The following MYOT variants were observed in gnomAD, a reference collection of about 807,000 sequenced individuals.
MYOT encodes 57 kDa cytoskeletal protein.
Under a neutral mutation model 58.0 loss-of-function variants are expected in MYOT, and 36 were observed. That is an observed-to-expected ratio of 0.62 (90% CI 0.48 to 0.82). The LOEUF is 0.82. Ranked by LOEUF, MYOT falls within the 40% of genes least tolerant of loss-of-function variation. The pLI is 0.00. For synonymous variants in MYOT, 218 were observed against 204.6 expected (o/e 1.07, Z -0.56); for missense variants, 505 against 592.1 (o/e 0.85, Z 1.53).
chr5:137,873,728 AAC>A (rs1270955063), intron 2 of MYOT, among the ~76,000 whole-genome samples: 8 of 152,186 alleles, frequency 5.3e-5, no homozygotes, highest in African/African-American at 1.9e-4. Flanking sequence ...TTATATAGAC[AAC>A]CATAAAGATC....
intron 5 of MYOT, among the ~76,000 whole-genome samples, chr5:137,881,414 C>T (rs1755425479): frequency 6.6e-6 from 1 of 152,194 alleles, no homozygotes; most frequent in African/African-American, 2.4e-5. Context: ...CCTGTAATCC[C>T]AGTACTTTGG....
rs1410500557 is a variant in MYOT at position 137,883,292 on chromosome 5, T to C, written c.817-92T>C. The C allele has an allele frequency of 3.7e-6, 4 of 1,074,508 alleles. No individual in the cohort carries two copies. In the African/African-American group the frequency reaches 6.2e-5, roughly 17 times the overall value. 66.6% of individuals were successfully genotyped at this position (1,074,508 alleles called of 1,614,324 possible). A position where few individuals can be genotyped will look rare whatever the true frequency, so the allele number is the denominator to read the frequency against. Reference sequence around the variant, plus strand: ...CATTTCAATCGCAAACCCACTCAGATACGGGAACTGTTTAAATTCATATAT... The same window carrying C: ...CATTTCAATCGCAAACCCACTCAGACACGGGAACTGTTTAAATTCATATAT... On this transcript the variant is annotated intron_variant, in intron 6 of 9. Coordinates refer to ENST00000239926, the MANE Select transcript of MYOT (RefSeq NM_006790.3).
intron 1 of MYOT, among the ~76,000 whole-genome samples, chr5:137,868,810 A>C (rs892103395): frequency 2.0e-5 from 3 of 152,130 alleles, no homozygotes; most frequent in Non-Finnish European, 4.4e-5. Context: ...CTTGAAATAG[A>C]CTTTTTTTTT....
At position 137,883,574 on chromosome 5, in the gene MYOT, T is replaced by C; in HGVS notation, c.1007T>C (p.Val336Ala). ...AGAGCAGGAGAAGCCACCTTCACTG[T>C]GCAGCTGGATGTCCTTGGTAAGCCT... ...KNRAGEATFT[V>A]QLDVLAKEHK... is the part of the protein sequence containing the mutation. Residue 336 changes from valine to alanine, a missense_variant, in exon 7 of 10, where the codon GTG (valine) becomes GCG (alanine). Val to Ala is a moderately conservative substitution (Grantham distance 64, BLOSUM62 0). Coordinates refer to ENST00000239926, the MANE Select transcript of MYOT (RefSeq NM_006790.3). 1 of 1,614,136 alleles carries C rather than the reference T, an allele frequency of 6.2e-7. No individual in the cohort carries two copies. The highest frequency in any genetic ancestry group is 8.5e-7 in the Non-Finnish European group (1 of 1,179,980).
At position 137,887,392 on chromosome 5, in the gene MYOT, T is replaced by C; in HGVS notation, c.*7T>C. ...TGAAAGTGAAGAACTTTAATAACTT[T>C]ACCAACATTGGAAAACAGCCAACTA... On this transcript the variant is annotated 3_prime_UTR_variant, in exon 10 of 10. Coordinates refer to ENST00000239926, the MANE Select transcript of MYOT (RefSeq NM_006790.3). 1 of 1,613,734 alleles carries C rather than the reference T, an allele frequency of 6.2e-7. No homozygotes were observed.
rs982261505 is a variant in MYOT, at chr5:137,867,898, C to T, written c.-267C>T. ...ATTAGTCTGTGAGGGAAGGAGATGC[C>T]TCTTCCTTCCCTTCAATAGTGGGTT... On this transcript the variant is annotated 5_prime_UTR_variant, in exon 1 of 10. Transcript: ENST00000239926. 2 of 152,162 alleles carry T rather than the reference C, an allele frequency of 1.3e-5. No homozygotes were observed. The highest frequency in any genetic ancestry group is 2.4e-5 in the African/African-American group (1 of 41,432). The allele number at this position is 152,162 out of a possible 1,614,324, so 9.4% of individuals were successfully genotyped here.
intron 5 of MYOT, among the ~76,000 whole-genome samples, chr5:137,881,100 C>A (rs1755415616): frequency 6.6e-6 from 1 of 152,130 alleles, no homozygotes; most frequent in African/African-American, 2.4e-5. Context: ...CTATATTAAA[C>A]AATTTTCTCA....
Position 137,882,251 on chromosome 5 carries a change from T to G in MYOT, c.816+146T>G, listed in dbSNP as rs183820234. ...TTCTGAAGTCAAACTGATGTGGGTT[T>G]GAATTCTGGCTCTGCCATCCTCCAG... On this transcript the variant is annotated intron_variant, in intron 6 of 9. Coordinates refer to ENST00000239926, the MANE Select transcript of MYOT (RefSeq NM_006790.3). 6,692 of 932,248 alleles carry G rather than the reference T, an allele frequency of 7.2e-3. 43 individuals are homozygous for G. Among genetic ancestry groups the G allele is most frequent in the Middle Eastern group, 0.019 (89 of 4,638 alleles). 57.7% of individuals were successfully genotyped at this position (932,248 alleles called of 1,614,324 possible).
intron 7 of MYOT, among the ~76,000 whole-genome samples, chr5:137,884,280 G>A (rs890264183): frequency 6.6e-6 from 1 of 152,158 alleles, no homozygotes; most frequent in African/African-American, 2.4e-5. Context: ...ACTTGAGCCT[G>A]GAGTTTGAGG....
intron 1 of MYOT, among the ~76,000 whole-genome samples, chr5:137,869,235 A>G (rs1484629155): frequency 6.6e-6 from 1 of 152,204 alleles, no homozygotes; most frequent in African/African-American, 2.4e-5. Context: ...TCATTATCTC[A>G]GTATTGGCTT....
intron 1 of MYOT, among the ~76,000 whole-genome samples, chr5:137,869,537 T>C (rs1754973540): frequency 6.6e-6 from 1 of 152,216 alleles, no homozygotes; most frequent in Non-Finnish European, 1.5e-5. Context: ...CTGTCTTTTC[T>C]TGGTAAGGTA....
Position 137,870,961 on chromosome 5 carries a change from C to T in MYOT, c.310C>T (p.Gln104Ter). Residue 104 changes from glutamine (Q) to a stop codon, truncating the protein, a stop_gained, in exon 2 of 10, where the codon CAG becomes TAG. Transcript: ENST00000239926. LOFTEE classifies it high-confidence loss of function. ...ASFLSSILPS[Q>*]PDYNSSKIPS... ...CTTCCTCAGCTCCATATTACCATCA[C>T]AGCCTGATTACAATAGCAGTAAAAT... is the stretch of plus-strand genomic sequence containing the variant. 2 of 1,614,202 alleles carry T rather than the reference C, an allele frequency of 1.2e-6. No homozygotes were observed. The highest frequency in any genetic ancestry group is 2.2e-5 in the South Asian group (2 of 91,088).
intron 2 of MYOT, among the ~76,000 whole-genome samples, chr5:137,874,822 G>C (rs2149981343): frequency 6.6e-6 from 1 of 152,138 alleles, no homozygotes; most frequent in Non-Finnish European, 1.5e-5. Flanking sequence ...CTGTTATATA[G>C]TGCCATACTT....
rs561982596 is a variant in MYOT, at chr5:137,873,527, C to A, written c.357-2302C>A. ...TGCCATTGCACTCCAGCCTGGACAA[C>A]AAGAATGAAACTCCGTCTCAAAAAA... On this transcript the variant is annotated intron_variant, in intron 2 of 9. Transcript: ENST00000239926. Among the ~76,000 whole-genome samples the A allele has an allele frequency of 8.8e-5, 13 of 148,554 alleles. No homozygotes were observed. The South Asian group carries it at 2.8e-3, about 32-fold the overall frequency.
At chr5:137,876,894 C>A (rs1755239809) in intron 3 of MYOT, among the ~76,000 whole-genome samples, 1 of 152,026 alleles carries the variant, frequency 6.6e-6, no homozygotes. Flanking sequence ...CTGGAACATG[C>A]AGAACAACGG....
At chr5:137,887,069 A>G in intron 9 of MYOT, 72 bp downstream of exon 9, 1 of 1,562,922 alleles carries the variant, frequency 6.4e-7, no homozygotes, top group Non-Finnish European at 8.8e-7. Flanking sequence ...TGAAAATCCC[A>G]GCAGAGTATA....
intron 4 of MYOT, among the ~76,000 whole-genome samples, chr5:137,879,066 G>A (rs1345452762): frequency 6.6e-6 from 1 of 151,964 alleles, no homozygotes; most frequent in Non-Finnish European, 1.5e-5. Flanking sequence ...CTCCCAAATA[G>A]ATGGGACTAT....
chr5:137,876,848 G>A (rs1755238509), intron 3 of MYOT, among the ~76,000 whole-genome samples: 1 of 151,956 alleles, frequency 6.6e-6, no homozygotes, highest in African/African-American at 2.4e-5. Context: ...TTCTGAATGT[G>A]AGCACATGAA....
intron 4 of MYOT, 92 bp from the exon 5 acceptor site, chr5:137,880,724 T>C (rs1227662157): frequency 9.1e-7 from 1 of 1,097,594 alleles, no homozygotes; most frequent in Non-Finnish European, 1.4e-6. Context: ...ACAGCCAAAA[T>C]AGGAATGTTC....
Sources: allele counts gnomAD v4.1 joint callset (sites outside exome capture counted in the v4.1 genomes callset), GRCh38; gene constraint gnomAD v4.1.1; transcripts MANE v1.5; gene names NCBI Gene and HGNC (gene_info 2026-07-23, HGNC 2026-07-21).